The following LATS1 variants were observed in gnomAD, a reference collection of about 807,000 sequenced individuals.
LATS1 encodes serine/threonine-protein kinase LATS1.
A neutral mutation model predicts 106.6 loss-of-function variants in LATS1; 25 were observed. The observed-to-expected ratio is 0.23, with a 90% CI of 0.17 to 0.33. The LOEUF is 0.33. LATS1 is among the 10% of genes least tolerant of loss of function. The pLI is 1.00. For missense variants in LATS1, 1,040 were observed against 1,382.6 expected (o/e 0.75, Z 3.93); for synonymous variants, 465 against 455.6 (o/e 1.02, Z -0.26).
intron 1 of LATS1, among the ~76,000 whole-genome samples, chr6:149,713,428 G>A (rs1342749815): frequency 6.6e-6 from 1 of 151,162 alleles, no homozygotes; most frequent in African/African-American, 2.4e-5. Flanking sequence ...CCAAGTAGCT[G>A]GGATTACAGG....
chr6:149,676,248 G>A lies in LATS1; in HGVS notation c.2883+12C>T, dbSNP rs754681780. On this transcript the variant is annotated intron_variant, in intron 7 of 7. Coordinates refer to ENST00000543571, the MANE Select transcript of LATS1 (RefSeq NM_004690.4). ...TTGTGAGAATTCTTTTGATATAGATGCCATACCTTACCTTCATTTGTGTTT... is the reference window on the plus strand; with the variant it reads ...TTGTGAGAATTCTTTTGATATAGATACCATACCTTACCTTCATTTGTGTTT... 6 of 1,530,830 alleles carry A rather than the reference G, an allele frequency of 3.9e-6. No homozygotes were observed. In the Admixed American group the frequency reaches 1.0e-4, roughly 26 times the overall value. 94.8% of individuals were successfully genotyped at this position (1,530,830 alleles called of 1,614,324 possible). A position where few individuals can be genotyped will look rare whatever the true frequency, so the allele number is the denominator to read the frequency against.
intron 1 of LATS1, among the ~76,000 whole-genome samples, chr6:149,712,290 C>A (rs1023616436): frequency 9.2e-5 from 14 of 152,098 alleles, no homozygotes; most frequent in African/African-American, 3.4e-4. Flanking sequence ...CTCCACCTCC[C>A]GGGTTCAAGC....
At chr6:149,682,125 A>AT (rs61386393) in intron 4 of LATS1, among the ~76,000 whole-genome samples, 16 of 149,762 alleles carry the variant, frequency 1.1e-4, no homozygotes, top group African/African-American at 3.7e-4. Context: ...AAAAAAAAAA[A>AT]TGATGATCGT....
intron 1 of LATS1, among the ~76,000 whole-genome samples, chr6:149,711,335 G>C (rs1392721052): frequency 6.6e-6 from 1 of 152,112 alleles, no homozygotes; most frequent in African/African-American, 2.4e-5. Context: ...ACGAGGTCAG[G>C]AGTTTGAGAC....
rs761725759 is a variant in LATS1 at position 149,683,892 on chromosome 6, T to C, written c.1197A>G (p.Ser399=). Residue 399 remains serine, a synonymous_variant, in exon 4 of 8, where the codon TCA becomes TCG. Transcript: ENST00000543571. The part of the protein sequence containing the change: ...LQTGGSAAPS[S]YTNGSIPQSM... ...ACTGAGGAATACTTCCATTTGTATA[T>C]GACGAAGGAGCAGCAGATCCCCCTG... The C allele has an allele frequency of 6.2e-6, 10 of 1,614,174 alleles. No individual in the cohort carries two copies. In the South Asian group the frequency reaches 9.9e-5, roughly 16 times the overall value.
intron 3 of LATS1, among the ~76,000 whole-genome samples, chr6:149,685,288 T>C (rs1782309436): frequency 6.6e-6 from 1 of 152,136 alleles, no homozygotes; most frequent in African/African-American, 2.4e-5. Flanking sequence ...TATATATGCA[T>C]GTATATTTGT....
intron 1 of LATS1, among the ~76,000 whole-genome samples, chr6:149,713,961 CTCTT>C (rs1784248305): frequency 6.6e-6 from 1 of 151,352 alleles, no homozygotes; most frequent in South Asian, 2.1e-4. Context: ...TGCGCACGGC[CTCTT>C]TTTTTCTTTT....
At chr6:149,688,439 G>C (rs1273104171) in intron 3 of LATS1, among the ~76,000 whole-genome samples, 1 of 151,908 alleles carries the variant, frequency 6.6e-6, no homozygotes, top group Non-Finnish European at 1.5e-5. Flanking sequence ...CTCCCAAGTA[G>C]CTGGGATTAC....
intron 1 of LATS1, among the ~76,000 whole-genome samples, chr6:149,716,643 T>A (rs772262222): frequency 2.2e-4 from 34 of 152,262 alleles, no homozygotes; most frequent in Non-Finnish European, 3.8e-4. Flanking sequence ...AAAAATGTAG[T>A]AGAAGTATTT....
chr6:149,714,460 G>A (rs998000703), intron 1 of LATS1, among the ~76,000 whole-genome samples: 4 of 152,126 alleles, frequency 2.6e-5, no homozygotes, highest in Non-Finnish European at 5.9e-5. Context: ...TCATTCAATA[G>A]ACAATGCAAT....
intron 7 of LATS1, among the ~76,000 whole-genome samples, chr6:149,673,219 T>C (rs1781537815): frequency 6.7e-6 from 1 of 150,264 alleles, no homozygotes; most frequent in Non-Finnish European, 1.5e-5. Context: ...CACCTCAGCC[T>C]CGTGAGTAGC....
rs763896801 is a variant in LATS1, at chr6:149,697,179, T to C, written c.349-1958A>G. ...AATGGGTGAACAGGCTACTGACAGA[T>C]GATCCTCCTATATGAAATGATAAGA... is the stretch of plus-strand genomic sequence containing the variant. On this transcript the variant is annotated intron_variant, in intron 2 of 7. Transcript: ENST00000543571. 12 of 1,318,264 alleles carry C rather than the reference T, an allele frequency of 9.1e-6. No individual in the cohort carries two copies. In the South Asian group the frequency reaches 1.0e-4, roughly 11 times the overall value. The allele number at this position is 1,318,264 out of a possible 1,614,324, so 81.7% of individuals were successfully genotyped here.
At chr6:149,666,943 CAA>C (rs113430262) in intron 7 of LATS1, among the ~76,000 whole-genome samples, 7 of 60,206 alleles carry the variant, frequency 1.2e-4, no homozygotes, top group Admixed American at 1.9e-4. Flanking sequence ...GACTCTGTCT[CAA>C]AAAAAAAAAA....
intron 1 of LATS1, among the ~76,000 whole-genome samples, chr6:149,708,414 C>CAAA (rs58138010): frequency 4.8e-5 from 5 of 104,254 alleles, no homozygotes; most frequent in African/African-American, 1.0e-4. Context: ...GACTGGATCT[C>CAAA]AAAAAAAAAA....
intron 1 of LATS1, among the ~76,000 whole-genome samples, chr6:149,711,581 C>G (rs1784099730): frequency 6.6e-6 from 1 of 152,024 alleles, no homozygotes; most frequent in Admixed American, 6.6e-5. Flanking sequence ...TAAATCATCT[C>G]AAGTTCATAC....
At chr6:149,672,656 T>C (rs1781500793) in intron 7 of LATS1, among the ~76,000 whole-genome samples, 1 of 151,838 alleles carries the variant, frequency 6.6e-6, no homozygotes. Flanking sequence ...TAGAAATAGA[T>C]GGATTTTGGC....
At chr6:149,699,488 A>T (rs868826511) in intron 2 of LATS1, among the ~76,000 whole-genome samples, 24 of 152,012 alleles carry the variant, frequency 1.6e-4, no homozygotes, top group Admixed American at 4.6e-4. Flanking sequence ...AAAAAAAAAT[A>T]AAATAAATAA....
At chr6:149,690,981 C>T (rs2114876994) in intron 3 of LATS1, among the ~76,000 whole-genome samples, 1 of 152,144 alleles carries the variant, frequency 6.6e-6, no homozygotes. Context: ...CCTCCAGAAA[C>T]ACTTCTTGAA....
chr6:149,677,969 G>A lies in LATS1; in HGVS notation c.2594-1232C>T, dbSNP rs183560458. Among the ~76,000 whole-genome samples the A allele has an allele frequency of 7.8e-4, 117 of 150,516 alleles. 1 individual carries two copies. In the East Asian group the frequency reaches 0.02, roughly 26 times the overall value. ...CAGGAGATGGAGGTTGCAGTGGGCCGAGATCGCGCCACTGCACTCCAGCCT... is the reference window on the plus strand; with the variant it reads ...CAGGAGATGGAGGTTGCAGTGGGCCAAGATCGCGCCACTGCACTCCAGCCT... On this transcript the variant is annotated intron_variant, in intron 5 of 7. Transcript: ENST00000543571.
Sources: allele counts gnomAD v4.1 joint callset (sites outside exome capture counted in the v4.1 genomes callset), GRCh38; gene constraint gnomAD v4.1.1; transcripts MANE v1.5; gene names NCBI Gene and HGNC (gene_info 2026-07-23, HGNC 2026-07-21).